Variants in VWA3B observed in about 807,000 individuals in gnomAD.
VWA3B encodes the protein von Willebrand factor A domain-containing protein 3B.
Under a neutral mutation model 158.3 loss-of-function variants are expected in VWA3B, and 138 were observed. That is an observed-to-expected ratio of 0.87 (90% confidence interval 0.76 to 1.00). VWA3B has a LOEUF of 1.00. Among genes scored for constraint, VWA3B ranks in the 50% least tolerant of loss-of-function variants. The pLI is 0.00. For synonymous variants in VWA3B, 596 were observed against 587.3 expected, an observed-to-expected ratio of 1.01 and a Z score of -0.21; for missense variants, 1,555 against 1,565.1, an observed-to-expected ratio of 0.99 and a Z score of 0.11.
intron 19 of VWA3B, among the ~76,000 whole-genome samples, chr2:98,249,474 C>A (rs911083530): frequency 6.6e-6 from 1 of 152,092 alleles, no homozygotes; most frequent in Non-Finnish European, 1.5e-5. Context: ...CCTGTTTGTG[C>A]CTTTGAATAC....
At chr2:98,282,342 C>G (rs770004274) in intron 22 of VWA3B, among the ~76,000 whole-genome samples, 33 of 152,172 alleles carry the variant, frequency 2.2e-4, no homozygotes, top group Middle Eastern at 6.8e-3. Flanking sequence ...ATAATTCCTT[C>G]CATAAAGTCC....
intron 10 of VWA3B, among the ~76,000 whole-genome samples, chr2:98,190,821 G>A (rs565939178): frequency 3.3e-5 from 5 of 152,128 alleles, no homozygotes; most frequent in African/African-American, 9.6e-5. Flanking sequence ...ATATACCTGG[G>A]TGTAGTTTTC....
At chr2:98,324,379 T>A in the VWA3B span, among the ~76,000 whole-genome samples, 4 of 152,152 alleles carry the variant, frequency 2.6e-5, no homozygotes, top group Non-Finnish European at 4.4e-5. Context: ...GCCAGACTAG[T>A]CTTGAACTCC....
intron 17 of VWA3B, 107 bp from the exon 18 acceptor site, chr2:98,236,283 T>G: frequency 8.3e-7 from 1 of 1,203,814 alleles, no homozygotes; most frequent in Non-Finnish European, 1.2e-6. Context: ...TGTGGTCCAT[T>G]TATTAGCTCT....
chr2:98,267,274 C>T (rs948453161), intron 21 of VWA3B, among the ~76,000 whole-genome samples: 1 of 151,720 alleles, frequency 6.6e-6, no homozygotes, highest in Non-Finnish European at 1.5e-5. Context: ...TGAATTTTGT[C>T]AAAGGCTTTT....
Position 98,197,470 on chromosome 2 carries a change from T to C in VWA3B, c.1737+2978T>C, listed in dbSNP as rs78519812. Among the ~76,000 whole-genome samples, 235 of 152,318 alleles carry C rather than the reference T, an allele frequency of 1.5e-3. 3 individuals are homozygous for C. In the East Asian group the frequency reaches 0.041, roughly 26 times the overall value. ...TTGTTCCTTAAGCTTTTGCCCACAATTTTAGCCCTCAATGTGGATCATCCT... is the reference window on the plus strand; with the variant it reads ...TTGTTCCTTAAGCTTTTGCCCACAACTTTAGCCCTCAATGTGGATCATCCT... On this transcript the variant is annotated intron_variant, in intron 12 of 27. Transcript: ENST00000477737.
At position 98,236,478 on chromosome 2, in the gene VWA3B, G is replaced by A; in HGVS notation, c.2516+1G>A. 2 of 1,614,238 alleles carry A rather than the reference G, an allele frequency of 1.2e-6. No individual in the cohort carries two copies. The highest frequency in any genetic ancestry group is 1.1e-5 in the South Asian group (1 of 91,088). On this transcript the variant is annotated splice_donor_variant, in intron 18 of 27. Coordinates refer to ENST00000477737, the MANE Select transcript of VWA3B (RefSeq NM_144992.5). LOFTEE classifies it high-confidence loss of function. ...AAGGAAGCCAGGTTTATGACCACGA[G>A]TGAGTTCTTTAATTTGACAAAGACA... is the stretch of plus-strand genomic sequence containing the variant.
intron 9 of VWA3B, among the ~76,000 whole-genome samples, chr2:98,185,832 C>T (rs1242879131): frequency 2.0e-5 from 3 of 152,202 alleles, no homozygotes; most frequent in South Asian, 2.1e-4. Flanking sequence ...CCAGATAATT[C>T]GCATCAGCAC....
At chr2:98,243,421 T>C (rs10197327) in intron 19 of VWA3B, among the ~76,000 whole-genome samples, 123,424 of 151,822 alleles carry the variant, frequency 0.81, 50,558 homozygotes, top group South Asian at 0.9. Context: ...GCAACCTCTG[T>C]CTCCCGGGTT....
At chr2:98,253,379 C>T (rs967104842) in intron 20 of VWA3B, among the ~76,000 whole-genome samples, 1 of 152,222 alleles carries the variant, frequency 6.6e-6, no homozygotes, top group East Asian at 1.9e-4. Context: ...ATGACATAAA[C>T]TTGTTATTGG....
chr2:98,225,109 T>G (rs891704129), intron 14 of VWA3B, among the ~76,000 whole-genome samples: 3 of 152,218 alleles, frequency 2.0e-5, no homozygotes, highest in African/African-American at 7.2e-5. Context: ...CTAATTTGTA[T>G]TTTTAATAGA....
rs560056439 is a variant in VWA3B at position 98,136,831 on chromosome 2, ACTTT to A, written c.988+2899_988+2902del. On this transcript the variant is annotated intron_variant, in intron 7 of 27. Coordinates refer to ENST00000477737, the MANE Select transcript of VWA3B (RefSeq NM_144992.5). ...CCTCACCCCTAGCAACCGCCATTCT[ACTTT>A]CTTTCTGTCTCCTTTCTGAATTTGA... is the stretch of plus-strand genomic sequence containing the variant. Among the ~76,000 whole-genome samples the A allele has an allele frequency of 3.3e-5, 5 of 152,244 alleles. No individual in the cohort carries two copies. The South Asian group carries it at 8.3e-4, about 25-fold the overall frequency.
intron 8 of VWA3B, among the ~76,000 whole-genome samples, chr2:98,164,245 A>C (rs1678886037): frequency 6.6e-6 from 1 of 152,226 alleles, no homozygotes; most frequent in African/African-American, 2.4e-5. Flanking sequence ...TGGAAGGAGT[A>C]GTGTGAATGG....
intron 12 of VWA3B, chr2:98,206,684 C>T (rs909627860): frequency 1.5e-5 from 5 of 333,486 alleles, no homozygotes; most frequent in Admixed American, 3.8e-5. Context: ...TAGCGTTGAG[C>T]AAGAAATTCT....
At chr2:98,289,929 G>A (rs930563930) in intron 22 of VWA3B, among the ~76,000 whole-genome samples, 2 of 152,174 alleles carry the variant, frequency 1.3e-5, no homozygotes, top group Admixed American at 1.3e-4. Context: ...GGCAGATATT[G>A]CCCTTGCCAA....
chr2:98,185,967 T>G (rs897355205), intron 9 of VWA3B, among the ~76,000 whole-genome samples: 2 of 152,106 alleles, frequency 1.3e-5, no homozygotes, highest in Non-Finnish European at 2.9e-5. Flanking sequence ...TACGTTTCCT[T>G]TCTCTGCTTC....
intron 7 of VWA3B, among the ~76,000 whole-genome samples, chr2:98,160,608 C>A (rs1485518194): frequency 6.6e-6 from 1 of 152,198 alleles, no homozygotes; most frequent in Non-Finnish European, 1.5e-5. Flanking sequence ...ATTGACAAGT[C>A]TAGAGGAAAG....
the VWA3B span, among the ~76,000 whole-genome samples, chr2:98,322,135 T>C: frequency 1.3e-5 from 2 of 152,226 alleles, no homozygotes; most frequent in African/African-American, 4.8e-5. Flanking sequence ...TCCATTACAC[T>C]TCTTTCCTTT....
chr2:98,253,187 CA>C (rs1686907479), intron 20 of VWA3B, among the ~76,000 whole-genome samples: 1 of 151,992 alleles, frequency 6.6e-6, no homozygotes, highest in Admixed American at 6.5e-5. Flanking sequence ...TCAAGATAGT[CA>C]GAATATGAAA....
Sources: gnomAD v4.1 joint callset for allele counts (sites outside exome capture counted in the v4.1 genomes callset) on GRCh38, gnomAD v4.1.1 for gene constraint, MANE v1.5 for transcripts, NCBI Gene and HGNC (gene_info 2026-07-23, HGNC 2026-07-21) for gene names.